SLC6A11: variants seen among roughly 807,000 people sequenced by gnomAD.
The protein encoded by SLC6A11 is solute carrier family 6 member 11.
In SLC6A11, 25 loss-of-function variants were observed where a neutral mutation model predicts 74.8. The observed-to-expected ratio is 0.33, with a 90% CI of 0.24 to 0.47. The LOEUF (loss-of-function observed/expected upper bound fraction) is 0.47, where lower values mean the gene tolerates loss of function less well. Among genes scored for constraint, SLC6A11 ranks in the 20% least tolerant of loss-of-function variants. The probability of loss-of-function intolerance (pLI) is 1.00; values close to 1 mark genes in which losing one functional copy is unlikely to be tolerated. For missense variants in SLC6A11, 574 were observed against 837.0 expected (o/e 0.69, Z 3.88); for synonymous variants, 330 against 330.2 (o/e 1.00, Z 0.01).
intron 5 of SLC6A11, among the ~76,000 whole-genome samples, chr3:10,857,368 G>T (rs539205480): frequency 6.6e-6 from 1 of 152,278 alleles, no homozygotes; most frequent in East Asian, 1.9e-4. Flanking sequence ...AATTATCAGA[G>T]GAAGGTCCCA....
chr3:10,896,722 G>A (rs1695175769), intron 6 of SLC6A11, among the ~76,000 whole-genome samples: 3 of 152,172 alleles, frequency 2.0e-5, no homozygotes, highest in Admixed American at 2.0e-4. Context: ...GCAAGGCCCT[G>A]AGCACAGGAT....
At position 10,926,873 on chromosome 3, in the gene SLC6A11, C is replaced by G. The variant is rs1025646381; in HGVS notation, c.1233+757C>G. Among the ~76,000 whole-genome samples, 2 of 152,308 alleles carry G rather than the reference C, an allele frequency of 1.3e-5. No individual in the cohort carries two copies. The highest frequency in any genetic ancestry group is 4.1e-4 in the South Asian group (2 of 4,820). The stretch of plus-strand genomic sequence containing the variant: ...GAAACCCACCCTTTGCCTGCTGGTC[C>G]TCACAGCTGTTTTCCCTAGGAGCCC... On this transcript the variant is annotated intron_variant, in intron 9 of 13. Transcript: ENST00000254488. This position sits in a 1 kb window ranked among gnomAD's most constrained non-coding sequence, Gnocchi z 5.7.
intron 6 of SLC6A11, among the ~76,000 whole-genome samples, chr3:10,881,860 T>G (rs768674503): frequency 1.3e-5 from 2 of 152,164 alleles, no homozygotes; most frequent in Non-Finnish European, 2.9e-5. Flanking sequence ...TCCAGACTGA[T>G]TCCCAGCTCC....
Position 10,875,068 on chromosome 3 carries a change from T to C in SLC6A11, c.864T>C (p.Pro288=). 1.2e-6 allele frequency: 2 copies of C among 1,612,356 alleles called. No homozygotes were observed. The highest frequency in any genetic ancestry group is 1.7e-5 in the Admixed American group (1 of 59,912). ...AGGGCATCAAGTTCTACTTGTACCC[T>C]GACCTCTCCCGGCTCTCCGACCCCC... ...ASEGIKFYLY[P]DLSRLSDPQV... Residue 288 remains proline, a synonymous_variant, in exon 6 of 14, where the codon CCT becomes CCC. Transcript: ENST00000254488.
At chr3:10,851,715 C>T (rs76216879) in intron 5 of SLC6A11, among the ~76,000 whole-genome samples, 10,205 of 152,288 alleles carry the variant, frequency 0.067, 457 homozygotes, top group South Asian at 0.13. Flanking sequence ...GTGCATGGTG[C>T]GTAAGCCTTA....
chr3:10,919,269 A>AT (rs1695502303), intron 8 of SLC6A11, among the ~76,000 whole-genome samples: 1 of 152,252 alleles, frequency 6.6e-6, no homozygotes, highest in South Asian at 2.1e-4. Context: ...TTTCCAGAAA[A>AT]TTAAGTGCAT....
rs1694891491 is a variant in SLC6A11, at chr3:10,875,044, G to A, written c.840G>A (p.Glu280=). The A allele has an allele frequency of 3.7e-6, 6 of 1,613,594 alleles. No homozygotes were observed. The highest frequency in any genetic ancestry group is 4.2e-6 in the Non-Finnish European group (5 of 1,179,746). The change falls in exon 6 of 14, where the codon GAG becomes GAA. Residue 280 remains glutamate, a synonymous_variant. Coordinates refer to ENST00000254488, the MANE Select transcript of SLC6A11 (RefSeq NM_014229.3). ...GGGTCACGTTGCCCGGGGCCTCAGA[G>A]GGCATCAAGTTCTACTTGTACCCTG... ...IRGVTLPGAS[E]GIKFYLYPDL...
At chr3:10,935,406 G>T in intron 13 of SLC6A11, 1 of 562,176 alleles carries the variant, frequency 1.8e-6, no homozygotes, top group East Asian at 3.0e-5. Flanking sequence ...GTTTCTAGGA[G>T]TCCAGCCTCT....
chr3:10,836,057 T>G (rs1054503154), intron 4 of SLC6A11, among the ~76,000 whole-genome samples: 1 of 152,170 alleles, frequency 6.6e-6, no homozygotes, highest in Non-Finnish European at 1.5e-5. Context: ...ACTCAGCTAT[T>G]TTTTTTATCT....
chr3:10,816,620 G>T lies in SLC6A11; in HGVS notation c.256+99G>T, dbSNP rs1325515306. ...AGACCCCCTCCCGCGCCTGCGTGGA[G>T]CGGAACCCGAGCGGAGAACCTCGAC... On this transcript the variant is annotated intron_variant, in intron 1 of 13. Coordinates refer to ENST00000254488, the MANE Select transcript of SLC6A11 (RefSeq NM_014229.3). The surrounding 1 kb of genome is among the most constrained non-coding windows in gnomAD (Gnocchi z 4.2). The T allele has an allele frequency of 7.8e-6, 10 of 1,279,686 alleles. No individual in the cohort carries two copies. The highest frequency in any genetic ancestry group is 2.1e-6 in the Non-Finnish European group (2 of 961,558). The allele number at this position is 1,279,686 out of a possible 1,614,324, so 79.3% of individuals were successfully genotyped here.
At chr3:10,902,630 A>C (rs1695254185) in intron 6 of SLC6A11, among the ~76,000 whole-genome samples, 1 of 152,228 alleles carries the variant, frequency 6.6e-6, no homozygotes, top group Admixed American at 6.5e-5. Context: ...CATAGCAGTA[A>C]GCGAAAGAGC....
chr3:10,875,794 G>C (rs1041935253), intron 6 of SLC6A11, among the ~76,000 whole-genome samples: 1 of 152,190 alleles, frequency 6.6e-6, no homozygotes, highest in Non-Finnish European at 1.5e-5. Flanking sequence ...GATAAAAACA[G>C]AACATCTCAC....
intron 7 of SLC6A11, among the ~76,000 whole-genome samples, chr3:10,913,283 A>G (rs1405209076): frequency 6.6e-6 from 1 of 152,220 alleles, no homozygotes; most frequent in African/African-American, 2.4e-5. Context: ...AAGAAATCAC[A>G]AAAGAACTAA....
At chr3:10,910,253 A>C (rs2106624881) in intron 6 of SLC6A11, among the ~76,000 whole-genome samples, 1 of 152,324 alleles carries the variant, frequency 6.6e-6, no homozygotes, top group African/African-American at 2.4e-5. Context: ...GACTTAACAC[A>C]GTTGGGCAGA....
chr3:10,938,591 A>T lies in SLC6A11; in HGVS notation c.*189A>T, dbSNP rs903086760. ...TATCCCCTCCCCGCCCCCAGTCATC[A>T]TGGAAGTAACCACTACAAAGAGATA... On this transcript the variant is annotated 3_prime_UTR_variant, in exon 14 of 14. Transcript: ENST00000254488. 23 of 506,758 alleles carry T rather than the reference A, an allele frequency of 4.5e-5. No homozygotes were observed. The highest frequency in any genetic ancestry group is 2.3e-4 in the Admixed American group (7 of 30,460). 31.4% of individuals were successfully genotyped at this position (506,758 alleles called of 1,614,324 possible).
chr3:10,897,228 A>G (rs758343369), intron 6 of SLC6A11, among the ~76,000 whole-genome samples: 3 of 152,178 alleles, frequency 2.0e-5, no homozygotes, highest in Admixed American at 6.5e-5. Context: ...GAGAAAAACC[A>G]TATCATTCTG....
chr3:10,822,896 A>G (rs1411003282), intron 3 of SLC6A11, among the ~76,000 whole-genome samples: 1 of 152,182 alleles, frequency 6.6e-6, no homozygotes, highest in Non-Finnish European at 1.5e-5. Context: ...TCTCAGCTGC[A>G]TTACTGCCCC....
At chr3:10,912,900 G>A (rs1695406756) in intron 7 of SLC6A11, among the ~76,000 whole-genome samples, 1 of 152,134 alleles carries the variant, frequency 6.6e-6, no homozygotes, top group African/African-American at 2.4e-5. Context: ...TGAACTCAGT[G>A]CCTGGTACGC....
At chr3:10,914,476 AG>A (rs3836461) in intron 7 of SLC6A11, among the ~76,000 whole-genome samples, 2,314 of 152,280 alleles carry the variant, frequency 0.015, 85 homozygotes, top group East Asian at 0.12. Context: ...ACAATGGGGA[AG>A]TTAATGTGGG....
Sources: gnomAD v4.1 joint callset for allele counts (sites outside exome capture counted in the v4.1 genomes callset) on GRCh38, gnomAD v4.1.1 for gene constraint, Gnocchi (gnomAD v3.1) non-coding constraint, MANE v1.5 for transcripts, NCBI Gene and HGNC (gene_info 2026-07-23, HGNC 2026-07-21) for gene names.